CHRNE: variants seen among roughly 807,000 people sequenced by gnomAD.
The protein encoded by CHRNE is acetylcholine receptor subunit epsilon.
A neutral mutation model predicts 56.5 loss-of-function variants in CHRNE; 58 were observed. The ratio of observed to expected loss-of-function variants is 1.03; its 90% CI spans 0.83 to 1.28. The LOEUF is 1.28. Ranked by LOEUF, CHRNE falls within the 50% of genes most tolerant of loss-of-function variation. The pLI, the probability that CHRNE is intolerant of heterozygous loss-of-function variation, is 0.00. For missense variants in CHRNE, 793 were observed against 688.9 expected (o/e 1.15, Z -1.69); for synonymous variants, 385 against 297.9 (o/e 1.29, Z -3.01).
In CHRNE at chr17:4,899,189, T is replaced by C. The variant is rs559923437; in HGVS notation, c.1219+9A>G. 4.4e-6 allele frequency: 7 copies of C among 1,599,382 alleles called. No homozygotes were observed. In the African/African-American group the frequency reaches 5.4e-5, roughly 12 times the overall value. On this transcript the variant is annotated intron_variant, in intron 10 of 11. Coordinates refer to ENST00000649488, the MANE Select transcript of CHRNE (RefSeq NM_000080.4). The stretch of plus-strand genomic sequence containing the variant: ...GCGCGGCCCCCCGGGCCAGGGCCAC[T>C]GTGCTCACCCGTCCAGGTCCCCTGC...
upstream of CHRNE, among the ~76,000 whole-genome samples, chr17:4,906,270 G>A (rs1970091657): frequency 6.6e-6 from 1 of 152,074 alleles, no homozygotes; most frequent in Non-Finnish European, 1.5e-5. Context: ...GGCAGGCCCT[G>A]ACACCACATG....
chr17:4,901,402 T>C, intron 6 of CHRNE, 123 bp downstream of exon 6: 2 of 1,010,738 alleles, frequency 2.0e-6, no homozygotes, highest in Non-Finnish European at 3.1e-6. Flanking sequence ...AGGACAGGGG[T>C]AAGCTAAACC....
At chr17:4,899,436 G>A (rs1969872794) in intron 9 of CHRNE, 32 bp downstream of exon 9, 4 of 1,555,630 alleles carry the variant, frequency 2.6e-6, no homozygotes, top group African/African-American at 1.4e-5. Context: ...GCCCCACCCC[G>A]ACCCGGGCTG....
rs764744220 is a variant in CHRNE, at chr17:4,899,362, C to A, written c.1055G>T (p.Arg352Leu). The A allele has an allele frequency of 4.2e-5, 65 of 1,534,614 alleles. No homozygotes were observed. The highest frequency in any genetic ancestry group is 5.3e-5 in the Non-Finnish European group (61 of 1,146,122). ...GGGCGGCGGCGGGGAGCCCAGGAGG[C>A]GCGGCAGCAGCTCCAGGAGAACCTG... ...LRHVLLELLP[R>L]LLGSPPPPEA... is the part of the protein sequence containing the mutation. The change falls in exon 10 of 12, where the codon CGC becomes CTC. Residue 352 changes from arginine to leucine, a missense_variant. Arg to Leu is a moderately radical substitution (Grantham distance 102). Coordinates refer to ENST00000649488, the MANE Select transcript of CHRNE (RefSeq NM_000080.4).
At chr17:4,907,617 C>A (rs1326142530), upstream of CHRNE, among the ~76,000 whole-genome samples, 1 of 151,514 alleles carries the variant, frequency 6.6e-6, no homozygotes, top group Non-Finnish European at 1.5e-5. Flanking sequence ...TCCAGTGTCC[C>A]CTGCTCTAAG....
At chr17:4,900,750 A>C (rs766217556) in intron 8 of CHRNE, 43 bp downstream of exon 8, 104 of 1,578,282 alleles carry the variant, frequency 6.6e-5, no homozygotes, top group Non-Finnish European at 8.8e-5. Context: ...CCACGCCCCC[A>C]CCCTTCACAC....
rs774104899 is a variant in CHRNE at position 4,902,348 on chromosome 17, G to GC, written c.235-23dup. ...AATCCTAAGGGGTGGGGGATGGAAG[G>GC]CCGCGTGCCCTGCATCTCCCACCTG... On this transcript the variant is annotated intron_variant, in intron 3 of 11. Transcript: ENST00000649488. This position sits in a 1 kb window ranked among gnomAD's most constrained non-coding sequence, Gnocchi z 4.0. The GC allele has an allele frequency of 6.2e-7, 1 of 1,613,848 alleles. No individual in the cohort carries two copies. The highest frequency in any genetic ancestry group is 8.5e-7 in the Non-Finnish European group (1 of 1,179,714).
chr17:4,900,284 C>A (rs1969936187), intron 8 of CHRNE: 1 of 1,545,238 alleles, frequency 6.5e-7, no homozygotes, highest in Non-Finnish European at 8.7e-7. Flanking sequence ...TAGACGGCAG[C>A]GCGGGCCCAG....
At chr17:4,908,214 T>G (rs1256780678) in intron 1 of CHRNE, among the ~76,000 whole-genome samples, 3 of 152,162 alleles carry the variant, frequency 2.0e-5, no homozygotes, top group Non-Finnish European at 4.4e-5. Context: ...AAAACTACAT[T>G]TGAGCCAACA....
chr17:4,901,751 C>A, intron 5 of CHRNE, 126 bp from the exon 6 acceptor site: 3 of 1,245,020 alleles, frequency 2.4e-6, no homozygotes, highest in South Asian at 1.2e-5. Context: ...CCAAGCCCAG[C>A]CCGCACGCCT....
upstream of CHRNE, among the ~76,000 whole-genome samples, chr17:4,906,768 G>C (rs1970097167): frequency 6.6e-6 from 1 of 151,626 alleles, no homozygotes; most frequent in Admixed American, 6.6e-5. Context: ...GGAAACAAGA[G>C]AGAAAACTGT....
rs904469277 is a variant in CHRNE at position 4,900,696 on chromosome 17, G to A, written c.917+97C>T. ...CCAGCGTCCGAATAAAGCCCAGGGC[G>A]GGGCGAGACAGCCAGAGCTTTTCCC... On this transcript the variant is annotated intron_variant, in intron 8 of 11. Transcript: ENST00000649488. 21 of 1,465,934 alleles carry A rather than the reference G, an allele frequency of 1.4e-5. 1 individual carries two copies. In the South Asian group the frequency reaches 2.3e-4, roughly 16 times the overall value. The allele number at this position is 1,465,934 out of a possible 1,614,324, so 90.8% of individuals were successfully genotyped here.
chr17:4,903,159 G>A (rs748144899), upstream of CHRNE: 32 of 1,214,868 alleles, frequency 2.6e-5, no homozygotes, highest in East Asian at 7.4e-5. Context: ...TGTTAGTTCC[G>A]GGCTGTTAGG....
chr17:4,907,653 T>A (rs1444659118), upstream of CHRNE, among the ~76,000 whole-genome samples: 1 of 150,416 alleles, frequency 6.6e-6, no homozygotes, highest in Non-Finnish European at 1.5e-5. Flanking sequence ...CTGATTTCCA[T>A]CCATTCTCCA....
Position 4,899,517 on chromosome 17 carries a change from A to T in CHRNE, c.983T>A (p.Val328Glu). 1 of 1,604,562 alleles carries T rather than the reference A, an allele frequency of 6.2e-7. No individual in the cohort carries two copies. The highest frequency in any genetic ancestry group is 8.5e-7 in the Non-Finnish European group (1 of 1,176,748). The change falls in exon 9 of 12, where the codon GTG becomes GAG. Residue 328 changes from valine to glutamate, a missense_variant. Val to Glu is a moderately radical substitution (Grantham distance 121, BLOSUM62 -2). Coordinates refer to ENST00000649488, the MANE Select transcript of CHRNE (RefSeq NM_000080.4). The stretch of plus-strand genomic sequence containing the variant: ...GTGGGTGGTGGGCGTCCGCTGGGAC[A>T]CGTTGAGCACGATGACGCAATTCAT... ...IVMNCVIVLN[V>E]SQRTPTTHAM...
upstream of CHRNE, among the ~76,000 whole-genome samples, chr17:4,906,810 T>C (rs968494715): frequency 1.3e-5 from 2 of 151,790 alleles, no homozygotes; most frequent in African/African-American, 4.8e-5. Flanking sequence ...AAAACACAGA[T>C]GAATGGATAA....
At chr17:4,906,301 C>A (rs535107395), upstream of CHRNE, among the ~76,000 whole-genome samples, 16 of 152,280 alleles carry the variant, frequency 1.1e-4, no homozygotes, top group African/African-American at 3.8e-4. Context: ...CACCCTCTAG[C>A]AACCCAGCCC....
chr17:4,900,081 C>G (rs1470742804), intron 8 of CHRNE: 2 of 1,551,002 alleles, frequency 1.3e-6, no homozygotes, highest in East Asian at 4.9e-5. Flanking sequence ...CCGAAGCCCA[C>G]CCTGGGGCTG....
At chr17:4,905,754 G>C (rs149543201), upstream of CHRNE, among the ~76,000 whole-genome samples, 1 of 151,506 alleles carries the variant, frequency 6.6e-6, no homozygotes, top group Non-Finnish European at 1.5e-5. Flanking sequence ...CCAGCTACTC[G>C]GGAGGCTGAG....
Sources: gnomAD v4.1 joint callset for allele counts (sites outside exome capture counted in the v4.1 genomes callset) on GRCh38, gnomAD v4.1.1 for gene constraint, Gnocchi (gnomAD v3.1) non-coding constraint, MANE v1.5 for transcripts, NCBI Gene and HGNC (gene_info 2026-07-23, HGNC 2026-07-21) for gene names.